COMMD6: variants seen among roughly 807,000 people sequenced by gnomAD.
COMMD6 encodes COMM domain-containing protein 6.
Under a neutral mutation model 13.4 loss-of-function variants are expected in COMMD6, and 11 were observed. The ratio of observed to expected loss-of-function variants is 0.82; its 90% CI spans 0.52 to 1.36. The LOEUF (loss-of-function observed/expected upper bound fraction) is 1.36. Among genes scored for constraint, COMMD6 ranks in the 40% most tolerant of loss-of-function variants. The pLI is 0.00. For synonymous variants in COMMD6, 43 were observed against 36.5 expected (o/e 1.18, Z -0.64); for missense variants, 124 against 102.4 (o/e 1.21, Z -0.91).
chr13:75,546,465 C>T (rs2030906063), intron 1 of COMMD6, among the ~76,000 whole-genome samples: 1 of 152,138 alleles, frequency 6.6e-6, no homozygotes, highest in South Asian at 2.1e-4. Flanking sequence ...GATGAGAGAA[C>T]AGTTTTTTGA....
At chr13:75,527,083 T>C (rs1029952660) in intron 3 of COMMD6, among the ~76,000 whole-genome samples, 18 of 152,224 alleles carry the variant, frequency 1.2e-4, no homozygotes, top group African/African-American at 3.9e-4. Flanking sequence ...CTATGGTTTA[T>C]ATGGTAGAAG....
chr13:75,529,893 A>G, intron 3 of COMMD6: 1 of 449,280 alleles, frequency 2.2e-6, no homozygotes, highest in Non-Finnish European at 3.9e-6. Context: ...CAAGCGATCA[A>G]ATGGCGCAGT....
chr13:75,537,099 C>T (rs1024837582), intron 2 of COMMD6, among the ~76,000 whole-genome samples: 4 of 152,096 alleles, frequency 2.6e-5, no homozygotes, highest in Non-Finnish European at 5.9e-5. Context: ...TAACTCCTGG[C>T]CTAAAAATAC....
intron 3 of COMMD6, among the ~76,000 whole-genome samples, chr13:75,528,552 A>G (rs940101344): frequency 5.3e-5 from 8 of 152,200 alleles, no homozygotes; most frequent in East Asian, 3.8e-4. Context: ...TCACGCCTGT[A>G]ATTCCAGCAC....
rs1191991295 is a variant in COMMD6 at position 75,530,384 on chromosome 13, AT to A, written c.55-119del. 4.4e-6 allele frequency: 3 copies of A among 676,540 alleles called. No individual in the cohort carries two copies. The East Asian group carries it at 8.3e-5, about 19-fold the overall frequency. The allele number at this position is 676,540 out of a possible 1,614,324, so 41.9% of individuals were successfully genotyped here. A position where few individuals can be genotyped will look rare whatever the true frequency, so the allele number is the denominator to read the frequency against. ...TAGTTTCAACGCTGGTCATATTTAC[AT>A]AAAGTATCTTCATTTTAATACTGCT... On this transcript the variant is annotated intron_variant, in intron 2 of 3. Coordinates refer to ENST00000682242, the MANE Select transcript of COMMD6 (RefSeq NM_203495.4).
At chr13:75,546,479 A>T (rs1421101854) in intron 1 of COMMD6, among the ~76,000 whole-genome samples, 2 of 152,230 alleles carry the variant, frequency 1.3e-5, no homozygotes, top group African/African-American at 2.4e-5. Flanking sequence ...TTTTTGAGTC[A>T]CAAGTACTCT....
At chr13:75,541,100 GCCTC>G (rs1361456155), upstream of COMMD6, among the ~76,000 whole-genome samples, 9 of 152,184 alleles carry the variant, frequency 5.9e-5, no homozygotes, top group African/African-American at 1.9e-4. Context: ...GGAAAATTCT[GCCTC>G]CCTATTTGTC....
At chr13:75,535,834 TTTTC>T (rs2030645403) in intron 2 of COMMD6, among the ~76,000 whole-genome samples, 1 of 152,194 alleles carries the variant, frequency 6.6e-6, no homozygotes, top group Non-Finnish European at 1.5e-5. Context: ...CTTTTTGTAA[TTTTC>T]TTCATAAAAC....
intron 1 of COMMD6, among the ~76,000 whole-genome samples, chr13:75,545,986 T>C (rs1236173060): frequency 6.6e-6 from 1 of 152,088 alleles, no homozygotes; most frequent in Non-Finnish European, 1.5e-5. Flanking sequence ...ACTTAAGGAG[T>C]ATAATTGGAG....
chr13:75,529,460 GC>G (rs1410751625), intron 3 of COMMD6, among the ~76,000 whole-genome samples: 1 of 149,890 alleles, frequency 6.7e-6, no homozygotes, highest in Non-Finnish European at 1.5e-5. Context: ...GGCAGAGCTT[GC>G]AGTGAGCCAA....
At chr13:75,540,925 A>G (rs2030817358), upstream of COMMD6, among the ~76,000 whole-genome samples, 1 of 152,132 alleles carries the variant, frequency 6.6e-6, no homozygotes, top group Non-Finnish European at 1.5e-5. Flanking sequence ...GCAATGCTTC[A>G]ATTTAAGTAT....
chr13:75,528,037 A>C (rs1252624904), intron 3 of COMMD6, among the ~76,000 whole-genome samples: 1 of 148,454 alleles, frequency 6.7e-6, no homozygotes, highest in Non-Finnish European at 1.5e-5. Flanking sequence ...ACACACATAC[A>C]TGCACACACT....
chr13:75,532,900 T>C (rs747466573), intron 2 of COMMD6, among the ~76,000 whole-genome samples: 31 of 152,120 alleles, frequency 2.0e-4, no homozygotes, highest in African/African-American at 5.3e-4. Flanking sequence ...CCTGTAGGCA[T>C]TGGGGACTCA....
intron 3 of COMMD6, chr13:75,527,877 TA>T: frequency 6.7e-7 from 1 of 1,499,876 alleles, no homozygotes. Flanking sequence ...GAAATGTTAG[TA>T]AAAAGGTACA....
At chr13:75,542,669 T>C (rs751365222), upstream of COMMD6, among the ~76,000 whole-genome samples, 1 of 152,226 alleles carries the variant, frequency 6.6e-6, no homozygotes, top group Non-Finnish European at 1.5e-5. Context: ...GAATTAAGGT[T>C]GCTAATTAGC....
intron 2 of COMMD6, among the ~76,000 whole-genome samples, chr13:75,530,853 A>G (rs761106888): frequency 5.3e-4 from 81 of 152,226 alleles, no homozygotes; most frequent in Non-Finnish European, 1.0e-3. Flanking sequence ...ACTGAAGCCA[A>G]AGTCTGTTTG....
At chr13:75,547,069 G>A (rs945523653) in intron 1 of COMMD6, among the ~76,000 whole-genome samples, 2 of 152,160 alleles carry the variant, frequency 1.3e-5, no homozygotes, top group East Asian at 3.8e-4. Flanking sequence ...GTGAAAACCT[G>A]AACAAACCTT....
chr13:75,546,890 G>A (rs760543650), intron 1 of COMMD6, among the ~76,000 whole-genome samples: 1 of 152,194 alleles, frequency 6.6e-6, no homozygotes, highest in Non-Finnish European at 1.5e-5. Flanking sequence ...ATACTAAATC[G>A]TTGCTTCTAG....
intron 2 of COMMD6, among the ~76,000 whole-genome samples, chr13:75,534,237 C>G (rs1333549472): frequency 6.6e-6 from 1 of 152,086 alleles, no homozygotes; most frequent in African/African-American, 2.4e-5. Context: ...ATTTGTTTCT[C>G]AGAATCTGAA....
Sources: gnomAD v4.1 joint callset for allele counts (sites outside exome capture counted in the v4.1 genomes callset) on GRCh38, gnomAD v4.1.1 for gene constraint, MANE v1.5 for transcripts, NCBI Gene and HGNC (gene_info 2026-07-23, HGNC 2026-07-21) for gene names.